Variants in PPP2R5A observed in about 807,000 individuals in gnomAD.
The protein encoded by PPP2R5A is serine/threonine-protein phosphatase 2A 56 kDa regulatory subunit alpha isoform.
PPP2R5A carries 25 observed loss-of-function variants against 64.2 expected under a neutral mutation model. The observed-to-expected ratio is 0.39, with a 90% CI of 0.28 to 0.54. The LOEUF is 0.54. PPP2R5A is among the 20% of genes least tolerant of loss of function. The pLI is 0.67. For synonymous variants in PPP2R5A, 198 were observed against 201.2 expected (o/e 0.98, Z 0.13); for missense variants, 425 against 576.3 (o/e 0.74, Z 2.69).
rs2102453034 is a variant in PPP2R5A, at chr1:212,360,751, G to A, written c.1442G>A (p.Ser481Asn). 6.5e-7 allele frequency: 1 copy of A among 1,541,122 alleles called. No individual in the cohort carries two copies. Residue 481 changes from serine to asparagine, a missense_variant, in exon 13 of 13, where the codon AGC (serine) becomes AAC (asparagine). Transcript: ENST00000261461. ...NSAYNMHSILSNTSAE is the reference protein window; with the variant it reads ...NSAYNMHSILNNTSAE ...GCTTACAACATGCACAGTATTCTCA[G>A]CAATACAAGTGCCGAATAAAAAAAA...
At chr1:212,338,953 C>T (rs141744407) in intron 3 of PPP2R5A, among the ~76,000 whole-genome samples, 1 of 152,172 alleles carries the variant, frequency 6.6e-6, no homozygotes, top group Non-Finnish European at 1.5e-5. Context: ...AAATCCCTTA[C>T]ATCCTAGCAG....
intron 1 of PPP2R5A, among the ~76,000 whole-genome samples, chr1:212,294,185 A>G (rs1658651958): frequency 6.6e-6 from 1 of 152,100 alleles, no homozygotes; most frequent in South Asian, 2.1e-4. Flanking sequence ...CCTTTGTTTC[A>G]CATTGTATCA....
intron 1 of PPP2R5A, among the ~76,000 whole-genome samples, chr1:212,301,106 G>T (rs1040977592): frequency 6.6e-6 from 1 of 152,146 alleles, no homozygotes; most frequent in Non-Finnish European, 1.5e-5. Context: ...CTGCCTCCTG[G>T]TTCAAGCAAT....
At chr1:212,309,377 G>A (rs1401037117) in intron 1 of PPP2R5A, 20 of 1,499,964 alleles carry the variant, frequency 1.3e-5, no homozygotes, top group East Asian at 4.5e-5. Context: ...GTCTTGGGCC[G>A]CCGGAAGGTG....
At chr1:212,291,545 G>C (rs1009435051) in intron 1 of PPP2R5A, among the ~76,000 whole-genome samples, 2 of 152,172 alleles carry the variant, frequency 1.3e-5, no homozygotes, top group Admixed American at 6.5e-5. Context: ...AGAATCACCG[G>C]GTTAGCATTG....
intron 4 of PPP2R5A, among the ~76,000 whole-genome samples, chr1:212,343,612 T>A (rs1659724357): frequency 1.3e-5 from 2 of 152,204 alleles, no homozygotes; most frequent in East Asian, 3.8e-4. Context: ...TCATAAACTA[T>A]AAAGAAATAT....
At chr1:212,321,162 C>T (rs1489292086) in intron 1 of PPP2R5A, among the ~76,000 whole-genome samples, 3 of 146,332 alleles carry the variant, frequency 2.1e-5, no homozygotes, top group Non-Finnish European at 3.0e-5. Context: ...CCCCTCACCT[C>T]CTGGATGGGG....
intron 1 of PPP2R5A, among the ~76,000 whole-genome samples, chr1:212,314,844 G>A (rs1355341336): frequency 6.6e-6 from 1 of 151,738 alleles, no homozygotes; most frequent in Non-Finnish European, 1.5e-5. Context: ...TTACAGGCAT[G>A]AGCCACTGTG....
chr1:212,287,311 T>C (rs781742247), intron 1 of PPP2R5A, among the ~76,000 whole-genome samples: 12 of 152,238 alleles, frequency 7.9e-5, no homozygotes, highest in Admixed American at 7.8e-4. Context: ...AGATAAAATT[T>C]GCAACCTGAC....
rs1660068648 is a variant in PPP2R5A at position 212,360,867 on chromosome 1, T to C, written c.*97T>C. On this transcript the variant is annotated 3_prime_UTR_variant, in exon 13 of 13. Coordinates refer to ENST00000261461, the MANE Select transcript of PPP2R5A (RefSeq NM_006243.4). Reference sequence around the variant, plus strand: ...AACAAACCTCATCAGTATAATATAATTAAAAGGCCAATTTTTTCTGGCAAC... The same window carrying C: ...AACAAACCTCATCAGTATAATATAACTAAAAGGCCAATTTTTTCTGGCAAC... The C allele has an allele frequency of 8.2e-6, 10 of 1,215,716 alleles. No homozygotes were observed. The East Asian group carries it at 2.8e-4, about 34-fold the overall frequency. 75.3% of individuals were successfully genotyped at this position (1,215,716 alleles called of 1,614,324 possible).
At chr1:212,318,054 A>C (rs1659192520) in intron 1 of PPP2R5A, among the ~76,000 whole-genome samples, 1 of 152,226 alleles carries the variant, frequency 6.6e-6, no homozygotes, top group Non-Finnish European at 1.5e-5. Context: ...TGTGAGTTTT[A>C]AAAGGTATGT....
chr1:212,317,207 C>T (rs937096748), intron 1 of PPP2R5A, among the ~76,000 whole-genome samples: 4 of 152,074 alleles, frequency 2.6e-5, no homozygotes, highest in Non-Finnish European at 5.9e-5. Flanking sequence ...GCCTATTTTT[C>T]TGTTCTCTGT....
chr1:212,356,436 A>G (rs1031707280), intron 8 of PPP2R5A, among the ~76,000 whole-genome samples, 190 bp from the exon 9 acceptor site: 18 of 152,236 alleles, frequency 1.2e-4, no homozygotes, highest in African/African-American at 3.9e-4. Flanking sequence ...CTGGTACATA[A>G]TAGGCACCCA....
intron 3 of PPP2R5A, among the ~76,000 whole-genome samples, chr1:212,334,298 C>CT (rs563092022): frequency 5.0e-4 from 75 of 150,468 alleles, no homozygotes; most frequent in Non-Finnish European, 8.4e-4. Context: ...CTTTTCTTTC[C>CT]TTTTTTTTTG....
At chr1:212,286,665 C>T (rs1053783877) in intron 1 of PPP2R5A, among the ~76,000 whole-genome samples, 2 of 152,184 alleles carry the variant, frequency 1.3e-5, no homozygotes, top group South Asian at 4.1e-4. Context: ...ACGAACCTTC[C>T]CCGACCTTCA....
rs1558137236 is a variant in PPP2R5A, at chr1:212,291,331, C to T, written c.181+5040C>T. On this transcript the variant is annotated intron_variant, in intron 1 of 12. Coordinates refer to ENST00000261461, the MANE Select transcript of PPP2R5A (RefSeq NM_006243.4). ...TCCTGACCCCAGGTGTTCTGCCTGC[C>T]TTGGCCTCCCAAAGTTATGGGATTA... Among the ~76,000 whole-genome samples, 6 of 152,272 alleles carry T rather than the reference C, an allele frequency of 3.9e-5. No individual in the cohort carries two copies. The East Asian group carries it at 1.2e-3, about 29-fold the overall frequency.
intron 2 of PPP2R5A, among the ~76,000 whole-genome samples, chr1:212,332,826 T>C (rs1558149888): frequency 1.3e-5 from 2 of 152,168 alleles, no homozygotes; most frequent in Non-Finnish European, 2.9e-5. Context: ...GTAGAATTAG[T>C]AACTTTTTCC....
At chr1:212,318,760 C>G (rs1281124576) in intron 1 of PPP2R5A, among the ~76,000 whole-genome samples, 2 of 151,996 alleles carry the variant, frequency 1.3e-5, no homozygotes, top group African/African-American at 2.4e-5. Context: ...TTTTTCAGGT[C>G]ATTATTCCTT....
chr1:212,285,896 C>T lies in PPP2R5A; in HGVS notation c.-215C>T, dbSNP rs2102407362. On this transcript the variant is annotated 5_prime_UTR_variant, in exon 1 of 13. Coordinates refer to ENST00000261461, the MANE Select transcript of PPP2R5A (RefSeq NM_006243.4). ...GTCAGCCCCGGGAGCTCGCCGCGCG[C>T]CGGGGACCAGGAACCTCCAGCGCTG... 1 of 423,508 alleles carries T rather than the reference C, an allele frequency of 2.4e-6. No homozygotes were observed. 26.2% of individuals were successfully genotyped at this position (423,508 alleles called of 1,614,324 possible). A position where few individuals can be genotyped will look rare whatever the true frequency, so the allele number is the denominator to read the frequency against.
Sources: allele counts gnomAD v4.1 joint callset (sites outside exome capture counted in the v4.1 genomes callset), GRCh38; gene constraint gnomAD v4.1.1; transcripts MANE v1.5; gene names NCBI Gene and HGNC (gene_info 2026-07-23, HGNC 2026-07-21).